The following MRRF variants were observed in gnomAD, a reference collection of about 807,000 sequenced individuals.
MRRF encodes mitochondrial ribosome recycling factor, also known as ribosome-recycling factor, mitochondrial.
A neutral mutation model predicts 25.1 loss-of-function variants in MRRF; 18 were observed. The observed-to-expected ratio is 0.72, with a 90% CI of 0.50 to 1.06. The LOEUF (loss-of-function observed/expected upper bound fraction) is 1.06. MRRF is among the 50% of genes least tolerant of loss of function. The pLI is 0.00. For synonymous variants in MRRF, 113 were observed against 112.1 expected (o/e 1.01, Z -0.05); for missense variants, 323 against 319.3 (o/e 1.01, Z -0.09).
At chr9:122,266,325 A>C (rs376122930) in intron 1 of MRRF, among the ~76,000 whole-genome samples, 4 of 152,360 alleles carry the variant, frequency 2.6e-5, no homozygotes, top group African/African-American at 9.6e-5. Flanking sequence ...CACTTGACCT[A>C]GTTGGGCTGT....
At chr9:122,297,091 G>C (rs1250538005) in intron 5 of MRRF, among the ~76,000 whole-genome samples, 1 of 152,220 alleles carries the variant, frequency 6.6e-6, no homozygotes, top group African/African-American at 2.4e-5. Context: ...GAGGCAGGCA[G>C]ATCACAAGGT....
Position 122,302,721 on chromosome 9 carries a change from C to T in MRRF, c.552-10506C>T, listed in dbSNP as rs905883571. On this transcript the variant is annotated intron_variant, in intron 5 of 6. Coordinates refer to ENST00000344641, the MANE Select transcript of MRRF (RefSeq NM_138777.5). ...TGCTTTTAATTCTCTTGGATATAAA[C>T]CTAGGAGTGGTTTATGACCAGTTAA... Among the ~76,000 whole-genome samples the T allele has an allele frequency of 2.3e-4, 35 of 152,084 alleles. 1 individual carries two copies. The highest frequency in any genetic ancestry group is 7.2e-4 in the Admixed American group (11 of 15,268).
chr9:122,291,765 TCAAGG>T lies in MRRF; in HGVS notation c.478_482del (p.Lys160TyrfsTer71), dbSNP rs1450691660. ...GGTTTTCAGTGTACAGCTGCAGCTA[TCAAGG>T]CTATAAGAGAAAGTGGAATGAATCT... On this transcript the variant is annotated frameshift_variant, in exon 5 of 7. Transcript: ENST00000344641. LOFTEE classifies it high-confidence loss of function. The T allele has an allele frequency of 6.2e-7, 1 of 1,613,100 alleles. No homozygotes were observed. The highest frequency in any genetic ancestry group is 8.5e-7 in the Non-Finnish European group (1 of 1,179,024).
At chr9:122,275,531 A>G (rs1012650557) in intron 2 of MRRF, among the ~76,000 whole-genome samples, 6 of 152,272 alleles carry the variant, frequency 3.9e-5, no homozygotes, top group Middle Eastern at 3.4e-3. Flanking sequence ...GCTATTCAGG[A>G]TGCTGAGATG....
chr9:122,283,427 A>G (rs1408623538), intron 3 of MRRF, among the ~76,000 whole-genome samples: 1 of 152,132 alleles, frequency 6.6e-6, no homozygotes, highest in Middle Eastern at 3.4e-3. Flanking sequence ...CCATTTAGAA[A>G]TCAGGAAACA....
intron 6 of MRRF, among the ~76,000 whole-genome samples, chr9:122,318,644 T>C (rs1169157978): frequency 6.6e-6 from 1 of 152,228 alleles, no homozygotes; most frequent in Non-Finnish European, 1.5e-5. Flanking sequence ...GCCTTTCATT[T>C]TCCTGAATTT....
intron 3 of MRRF, 82 bp from the exon 4 acceptor site, chr9:122,285,087 C>T (rs1833303898): frequency 1.1e-6 from 1 of 888,168 alleles, no homozygotes; most frequent in South Asian, 1.4e-5. Flanking sequence ...CTGCATCCAA[C>T]CTGAATCTGA....
At chr9:122,318,122 C>T (rs937152038) in intron 6 of MRRF, among the ~76,000 whole-genome samples, 5 of 151,822 alleles carry the variant, frequency 3.3e-5, no homozygotes, top group South Asian at 2.1e-4. Context: ...GGTGACAGAG[C>T]GAGACTCCAT....
chr9:122,320,785 C>T (rs1835848627), intron 6 of MRRF, among the ~76,000 whole-genome samples: 1 of 152,214 alleles, frequency 6.6e-6, no homozygotes, highest in Non-Finnish European at 1.5e-5. Context: ...GTTCTCAATT[C>T]CTAGCCAAGG....
At chr9:122,293,846 G>C (rs1043520572) in intron 5 of MRRF, among the ~76,000 whole-genome samples, 1 of 152,098 alleles carries the variant, frequency 6.6e-6, no homozygotes, top group South Asian at 2.1e-4. Flanking sequence ...AATTACTAGG[G>C]CCCACATTTA....
intron 1 of MRRF, among the ~76,000 whole-genome samples, chr9:122,267,247 G>A (rs780925726): frequency 1.1e-4 from 16 of 151,796 alleles, no homozygotes; most frequent in Admixed American, 1.3e-4. Context: ...TGGGTGTGGT[G>A]GTGGGTGCCT....
At chr9:122,273,440 C>CAA (rs566027952) in intron 2 of MRRF, among the ~76,000 whole-genome samples, 91 of 70,140 alleles carry the variant, frequency 1.3e-3, no homozygotes, top group South Asian at 5.0e-3. Flanking sequence ...GACCCTGTCT[C>CAA]AAAAAAAAAA....
At chr9:122,284,808 C>T (rs1230319890) in intron 3 of MRRF, among the ~76,000 whole-genome samples, 2 of 152,162 alleles carry the variant, frequency 1.3e-5, no homozygotes, top group African/African-American at 4.8e-5. Context: ...TATTTTGAGA[C>T]AAGATCTCAC....
intron 3 of MRRF, among the ~76,000 whole-genome samples, chr9:122,281,873 C>T (rs776022319): frequency 6.6e-6 from 1 of 152,108 alleles, no homozygotes; most frequent in African/African-American, 2.4e-5. Context: ...GGGAGATTCT[C>T]GCTGGGGACA....
At chr9:122,310,299 T>C (rs1373400837) in intron 5 of MRRF, among the ~76,000 whole-genome samples, 1 of 152,190 alleles carries the variant, frequency 6.6e-6, no homozygotes, top group African/African-American at 2.4e-5. Context: ...AAGTAGTCTC[T>C]TTTTATCTGT....
intron 3 of MRRF, among the ~76,000 whole-genome samples, chr9:122,282,908 A>G (rs1465140440): frequency 3.3e-5 from 5 of 152,158 alleles, no homozygotes; most frequent in Non-Finnish European, 7.4e-5. Flanking sequence ...AAGGAAAAAT[A>G]TATGCAAGGG....
At chr9:122,292,825 ATCT>A (rs998066626) in intron 5 of MRRF, among the ~76,000 whole-genome samples, 6 of 152,210 alleles carry the variant, frequency 3.9e-5, no homozygotes, top group Admixed American at 1.3e-4. Flanking sequence ...GGTGAGACAC[ATCT>A]TCTCCGATTC....
chr9:122,289,345 T>C (rs1833610104), intron 4 of MRRF, among the ~76,000 whole-genome samples: 1 of 152,230 alleles, frequency 6.6e-6, no homozygotes, highest in Non-Finnish European at 1.5e-5. Flanking sequence ...CTCTAACTTG[T>C]ACTGGGAAGA....
chr9:122,320,747 T>C (rs79390480), intron 6 of MRRF, among the ~76,000 whole-genome samples: 1 of 152,356 alleles, frequency 6.6e-6, no homozygotes, highest in African/African-American at 2.4e-5. Flanking sequence ...TAAATCCTTT[T>C]TAGTTTCTAC....
Sources: allele counts gnomAD v4.1 joint callset (sites outside exome capture counted in the v4.1 genomes callset), GRCh38; gene constraint gnomAD v4.1.1; transcripts MANE v1.5; gene names NCBI Gene and HGNC (gene_info 2026-07-23, HGNC 2026-07-21).